NAA11: variants seen among roughly 807,000 people sequenced by gnomAD.
NAA11 encodes N-alpha-acetyltransferase 11.
In NAA11, 15 loss-of-function variants were observed where a neutral mutation model predicts 16.1. The observed-to-expected ratio is 0.93, with a 90% CI of 0.62 to 1.44. NAA11 has a LOEUF of 1.44. NAA11 is among the 40% of genes most tolerant of loss of function. The pLI is 0.00. For synonymous variants in NAA11, 122 were observed against 112.4 expected (o/e 1.09, Z -0.54); for missense variants, 298 against 291.3 (o/e 1.02, Z -0.17).
At chr4:79,267,316 G>A (rs1486149336) in intron 2 of NAA11, among the ~76,000 whole-genome samples, 1 of 152,176 alleles carries the variant, frequency 6.6e-6, no homozygotes, top group East Asian at 1.9e-4. Context: ...TGAATTTTCA[G>A]AGAGTGAAGA....
At chr4:79,175,880 G>A in the NAA11 span, among the ~76,000 whole-genome samples, 1 of 151,976 alleles carries the variant, frequency 6.6e-6, no homozygotes, top group African/African-American at 2.4e-5. Context: ...CCTGACAATA[G>A]AAACTACATC....
the NAA11 span, among the ~76,000 whole-genome samples, chr4:79,157,587 G>GTATATGTATGTATATATACATATATACA: frequency 6.6e-6 from 1 of 150,638 alleles, no homozygotes; most frequent in Admixed American, 6.6e-5. Context: ...ACATATATAC[G>GTATATGTATGTATATATACATATATACA]TGTGTGTGTA....
chr4:79,196,949 A>G, the NAA11 span, among the ~76,000 whole-genome samples: 2 of 85,178 alleles, frequency 2.3e-5, no homozygotes, highest in Non-Finnish European at 5.3e-5. Flanking sequence ...TGGAAGATGA[A>G]AAAGACAAAA....
At chr4:79,205,456 AT>A in the NAA11 span, among the ~76,000 whole-genome samples, 1 of 151,702 alleles carries the variant, frequency 6.6e-6, no homozygotes, top group South Asian at 2.1e-4. Context: ...TAATAGGATT[AT>A]TTGGTTTTTT....
chr4:79,304,135 A>G (rs1205042957), intron 1 of NAA11, among the ~76,000 whole-genome samples: 2 of 152,162 alleles, frequency 1.3e-5, no homozygotes, highest in South Asian at 2.1e-4. Flanking sequence ...CAATAAAATT[A>G]GAATTGAGAA....
At chr4:79,243,499 A>G (rs1035196317) in intron 2 of NAA11, among the ~76,000 whole-genome samples, 1 of 152,188 alleles carries the variant, frequency 6.6e-6, no homozygotes. Context: ...CCCTTCCCTC[A>G]CCACTAAACC....
intron 2 of NAA11, among the ~76,000 whole-genome samples, chr4:79,234,779 T>C (rs1420478354): frequency 6.6e-6 from 1 of 152,116 alleles, no homozygotes; most frequent in Admixed American, 6.6e-5. Context: ...TCATATCAAT[T>C]GATTATTTTT....
chr4:79,316,120 A>T (rs567376590), downstream of NAA11, among the ~76,000 whole-genome samples: 1 of 152,290 alleles, frequency 6.6e-6, no homozygotes, highest in South Asian at 2.1e-4. Flanking sequence ...CTGTTTCTCC[A>T]TCTGCTAAGC....
At chr4:79,268,481 T>G (rs1002305854) in intron 2 of NAA11, among the ~76,000 whole-genome samples, 13 of 152,256 alleles carry the variant, frequency 8.5e-5, no homozygotes, top group Admixed American at 6.5e-4. Context: ...AGAAGAGTTC[T>G]TTACTGTACT....
intron 2 of NAA11, among the ~76,000 whole-genome samples, chr4:79,254,828 TTGCTATATGACAAGTAGTG>T (rs923498386): frequency 2.0e-5 from 3 of 152,094 alleles, no homozygotes; most frequent in Non-Finnish European, 4.4e-5. Flanking sequence ...TACATAGAGC[TTGCTATATGACAAGTAGTG>T]TAAGAATTGC....
At chr4:79,202,623 T>TTATATATATATATATATATGTATATATA in the NAA11 span, among the ~76,000 whole-genome samples, 1 of 52,638 alleles carries the variant, frequency 1.9e-5, no homozygotes, top group African/African-American at 4.6e-5. Context: ...ATATATAGTT[T>TTATATATATATATATATATGTATATATA]TATATATATA....
At chr4:79,204,910 A>G in the NAA11 span, among the ~76,000 whole-genome samples, 5 of 132,844 alleles carry the variant, frequency 3.8e-5, no homozygotes, top group Non-Finnish European at 6.5e-5. Context: ...TTTTATGGCT[A>G]ATATTCCATG....
In NAA11 at chr4:79,228,205, T is replaced by C. The variant is rs115805327; in HGVS notation, c.*123-1935A>G. 6.3e-3 allele frequency among the ~76,000 whole-genome samples: 957 copies of C among 152,106 alleles called. 16 individuals carry two copies. The highest frequency in any genetic ancestry group is 0.021 in the African/African-American group (886 of 41,522). ...TTTCTGGCCTGAGTATTGTATTAATTACATAAAAGAAAACTTTGGGGAAAT... is the reference window on the plus strand; with the variant it reads ...TTTCTGGCCTGAGTATTGTATTAATCACATAAAAGAAAACTTTGGGGAAAT... On this transcript the variant is annotated intron_variant and NMD_transcript_variant, in intron 2 of 2. Transcript: ENST00000511542.
Position 79,256,651 on chromosome 4 carries a change from A to AAT in NAA11, c.*123-30383_*123-30382dup, listed in dbSNP as rs34533882. Among the ~76,000 whole-genome samples, 1,146 of 130,712 alleles carry AAT rather than the reference A, an allele frequency of 8.8e-3. 33 individuals are homozygous for AAT. Among genetic ancestry groups the AAT allele is most frequent in the Middle Eastern group, 0.039 (10 of 258 alleles). 85.8% of individuals were successfully genotyped at this position (130,712 alleles called of 152,430 possible). On this transcript the variant is annotated intron_variant and NMD_transcript_variant, in intron 2 of 2. Transcript: ENST00000511542. The stretch of plus-strand genomic sequence containing the variant: ...AATGAACCATATATATATAAATATA[A>AAT]ATATATATATATATATATTGACACG...
the NAA11 span, among the ~76,000 whole-genome samples, chr4:79,213,771 T>C: frequency 2.0e-5 from 3 of 152,322 alleles, no homozygotes; most frequent in African/African-American, 7.2e-5. Flanking sequence ...CCTTATGTCC[T>C]TTACTTCTCC....
chr4:79,271,919 T>C (rs1490692038), intron 2 of NAA11, among the ~76,000 whole-genome samples: 4 of 151,934 alleles, frequency 2.6e-5, no homozygotes, highest in African/African-American at 9.7e-5. Context: ...ATTAAGCGTA[T>C]GTAAAGTGAC....
At chr4:79,273,611 T>G (rs1336598451) in intron 2 of NAA11, among the ~76,000 whole-genome samples, 1 of 152,044 alleles carries the variant, frequency 6.6e-6, no homozygotes, top group Non-Finnish European at 1.5e-5. Flanking sequence ...TTGTGGTCAA[T>G]AAAACTATGT....
At chr4:79,185,620 C>G in the NAA11 span, among the ~76,000 whole-genome samples, 1 of 152,156 alleles carries the variant, frequency 6.6e-6, no homozygotes, top group East Asian at 1.9e-4. Context: ...AAAGCTGTTT[C>G]TACATCTTTC....
At chr4:79,322,486 GGTGT>G (rs757206111) in intron 1 of NAA11, among the ~76,000 whole-genome samples, 3 of 87,752 alleles carry the variant, frequency 3.4e-5, no homozygotes, top group East Asian at 8.7e-4. Context: ...CAGTTTTATA[GGTGT>G]GTGTGTGTGT....
Sources: gnomAD v4.1 joint callset for allele counts (sites outside exome capture counted in the v4.1 genomes callset) on GRCh38, gnomAD v4.1.1 for gene constraint, MANE v1.5 for transcripts, NCBI Gene and HGNC (gene_info 2026-07-23, HGNC 2026-07-21) for gene names.